RALGPS1: variants seen among roughly 807,000 people sequenced by gnomAD.
RALGPS1 encodes the protein ras-specific guanine nucleotide-releasing factor RalGPS1.
RALGPS1 carries 19 observed loss-of-function variants against 78.8 expected under a neutral mutation model. The ratio of observed to expected loss-of-function variants is 0.24; its 90% CI spans 0.17 to 0.35. The LOEUF (loss-of-function observed/expected upper bound fraction) is 0.35. Ranked by LOEUF, RALGPS1 falls within the 10% of genes least tolerant of loss-of-function variation. RALGPS1 has a pLI of 1.00. For missense variants in RALGPS1, 454 were observed against 688.3 expected, an observed-to-expected ratio of 0.66 and a Z score of 3.81; for synonymous variants, 228 against 256.3, an observed-to-expected ratio of 0.89 and a Z score of 1.06.
chr9:127,034,068 A>G (rs764487637), intron 4 of RALGPS1, among the ~76,000 whole-genome samples: 3 of 152,164 alleles, frequency 2.0e-5, no homozygotes, highest in Non-Finnish European at 4.4e-5. Flanking sequence ...CATCACAACT[A>G]TGTGGGGATG....
At chr9:127,109,054 C>T (rs894519720) in intron 8 of RALGPS1, among the ~76,000 whole-genome samples, 5 of 152,228 alleles carry the variant, frequency 3.3e-5, no homozygotes, top group African/African-American at 1.2e-4. Flanking sequence ...GAGCCAGCTC[C>T]AATGCCCGCA....
chr9:127,152,370 G>A (rs1261187776), intron 8 of RALGPS1, among the ~76,000 whole-genome samples: 2 of 152,186 alleles, frequency 1.3e-5, no homozygotes, highest in Admixed American at 6.5e-5. Flanking sequence ...AATAGGCAAG[G>A]CATTTGGGCT....
chr9:127,099,070 G>T (rs943540363), intron 8 of RALGPS1, among the ~76,000 whole-genome samples: 1 of 152,210 alleles, frequency 6.6e-6, no homozygotes, highest in Non-Finnish European at 1.5e-5. Flanking sequence ...CTGAGGTGTG[G>T]GGGGAGGAGC....
At chr9:127,013,213 T>C (rs1239729746) in intron 4 of RALGPS1, among the ~76,000 whole-genome samples, 1 of 152,030 alleles carries the variant, frequency 6.6e-6, no homozygotes, top group Non-Finnish European at 1.5e-5. Flanking sequence ...AAAGCAAAGG[T>C]GAGGAGCTTT....
chr9:126,980,869 A>G (rs1018280341), intron 4 of RALGPS1, among the ~76,000 whole-genome samples: 2 of 152,190 alleles, frequency 1.3e-5, no homozygotes, highest in Non-Finnish European at 2.9e-5. Flanking sequence ...ATGTGGAAAC[A>G]GCCATCTTAC....
intron 11 of RALGPS1, among the ~76,000 whole-genome samples, chr9:127,189,909 G>T (rs899706737): frequency 2.6e-5 from 4 of 152,214 alleles, no homozygotes; most frequent in African/African-American, 9.6e-5. Context: ...AGGGGCAGGT[G>T]GAGATTCCAG....
At chr9:127,048,711 A>G (rs951296510) in intron 5 of RALGPS1, among the ~76,000 whole-genome samples, 3 of 152,262 alleles carry the variant, frequency 2.0e-5, no homozygotes, top group African/African-American at 7.2e-5. Context: ...ATAATATGCC[A>G]TAAAAATGTA....
chr9:127,110,615 C>T (rs2054705126), intron 8 of RALGPS1, among the ~76,000 whole-genome samples: 1 of 152,186 alleles, frequency 6.6e-6, no homozygotes, highest in South Asian at 2.1e-4. Flanking sequence ...GGTATCTCAA[C>T]TCATCCAGAA....
At chr9:126,937,325 G>A (rs1003087391) in intron 1 of RALGPS1, among the ~76,000 whole-genome samples, 4 of 152,200 alleles carry the variant, frequency 2.6e-5, no homozygotes, top group African/African-American at 9.7e-5. Flanking sequence ...GGCTTTGGGA[G>A]GAAGGATGAG....
chr9:127,145,812 C>G (rs2058061810), intron 8 of RALGPS1, among the ~76,000 whole-genome samples: 1 of 152,236 alleles, frequency 6.6e-6, no homozygotes, highest in African/African-American at 2.4e-5. Flanking sequence ...TTGAGACAAG[C>G]TTCCCAACCT....
At chr9:127,168,924 G>A (rs1461934656) in intron 10 of RALGPS1, 152 bp downstream of exon 10, 7 of 633,522 alleles carry the variant, frequency 1.1e-5, no homozygotes. Flanking sequence ...CCAGGCCCCA[G>A]CACACACAAG....
chr9:127,060,080 A>G (rs1482877889), intron 7 of RALGPS1, among the ~76,000 whole-genome samples: 2 of 152,210 alleles, frequency 1.3e-5, no homozygotes, highest in Non-Finnish European at 2.9e-5. Flanking sequence ...AAGCCTTTGC[A>G]GCTGGGAGCT....
In RALGPS1 at chr9:127,127,303, T is replaced by A. The variant is rs1278702240; in HGVS notation, c.611-38766T>A. On this transcript the variant is annotated intron_variant, in intron 8 of 18. Coordinates refer to ENST00000259351, the MANE Select transcript of RALGPS1 (RefSeq NM_014636.3). ...TCCACTGATTTCAAGCAGGTCTTTT[T>A]AAATTTTTTTAATATTTTTGGTCCA... 7.9e-5 allele frequency among the ~76,000 whole-genome samples: 12 copies of A among 152,230 alleles called. No homozygotes were observed. In the East Asian group the frequency reaches 1.9e-3, roughly 24 times the overall value.
chr9:127,171,589 T>G (rs1195539156), intron 10 of RALGPS1, among the ~76,000 whole-genome samples: 1 of 152,162 alleles, frequency 6.6e-6, no homozygotes, highest in East Asian at 1.9e-4. Context: ...GTGAGCCCCG[T>G]CTCTACTAAA....
intron 11 of RALGPS1, among the ~76,000 whole-genome samples, chr9:127,192,128 T>C (rs1257517151): frequency 6.6e-6 from 1 of 152,166 alleles, no homozygotes; most frequent in Non-Finnish European, 1.5e-5. Flanking sequence ...AAGCTGTGCT[T>C]GGGTTAGATT....
chr9:127,050,434 G>A (rs1429589224), intron 6 of RALGPS1, among the ~76,000 whole-genome samples: 1 of 152,222 alleles, frequency 6.6e-6, no homozygotes, highest in East Asian at 1.9e-4. Context: ...AGGACCCAGA[G>A]GCTGCCCCTG....
At chr9:127,215,652 C>G (rs533114469) in intron 18 of RALGPS1, among the ~76,000 whole-genome samples, 1 of 152,316 alleles carries the variant, frequency 6.6e-6, no homozygotes, top group East Asian at 1.9e-4. Flanking sequence ...TCTCCTGCCT[C>G]CACTTCCCTG....
chr9:127,124,430 C>T (rs1256397827), intron 8 of RALGPS1, among the ~76,000 whole-genome samples: 2 of 152,152 alleles, frequency 1.3e-5, no homozygotes, highest in African/African-American at 2.4e-5. Flanking sequence ...ACAGAGTCAC[C>T]CCAGATGCTG....
At chr9:126,966,078 A>G in intron 3 of RALGPS1, 127 bp downstream of exon 3, 1 of 678,986 alleles carries the variant, frequency 1.5e-6, no homozygotes, top group Non-Finnish European at 2.7e-6. Flanking sequence ...GTGTTGAGTA[A>G]AGTCCGTACC....
Sources: gnomAD v4.1 joint callset for allele counts (sites outside exome capture counted in the v4.1 genomes callset) on GRCh38, gnomAD v4.1.1 for gene constraint, MANE v1.5 for transcripts, NCBI Gene and HGNC (gene_info 2026-07-23, HGNC 2026-07-21) for gene names.